GNAO1: variants seen among roughly 807,000 people sequenced by gnomAD.
The protein encoded by GNAO1 is G protein subunit alpha o1, also known as guanine nucleotide-binding protein G(o) subunit alpha.
For synonymous variants in GNAO1, 164 were observed against 180.7 expected, an observed-to-expected ratio of 0.91 and a Z score of 0.74; for missense variants, 166 against 478.7, an observed-to-expected ratio of 0.35 and a Z score of 6.10.
At chr16:56,248,444 T>C (rs2036769757) in intron 2 of GNAO1, among the ~76,000 whole-genome samples, 1 of 152,216 alleles carries the variant, frequency 6.6e-6, no homozygotes. Context: ...TACACAAGTA[T>C]ATACTAAATG....
intron 2 of GNAO1, among the ~76,000 whole-genome samples, chr16:56,249,525 G>A (rs568905380): frequency 5.3e-5 from 8 of 152,268 alleles, no homozygotes; most frequent in African/African-American, 1.9e-4. Context: ...ATCAGGGAAA[G>A]CACCAAGGGG....
intron 2 of GNAO1, chr16:56,192,848 G>C (rs559135661): frequency 1.5e-4 from 81 of 554,306 alleles, no homozygotes; most frequent in African/African-American, 1.4e-3. Context: ...GAAGGGGAGC[G>C]CCTGTAGTTG....
chr16:56,223,121 C>G (rs1174798019), intron 2 of GNAO1, among the ~76,000 whole-genome samples: 4 of 152,234 alleles, frequency 2.6e-5, no homozygotes, highest in African/African-American at 9.7e-5. Context: ...TTCAAGTTCA[C>G]CAGCCTAAAA....
At chr16:56,314,217 A>G (rs1481530687) in intron 3 of GNAO1, among the ~76,000 whole-genome samples, 1 of 152,232 alleles carries the variant, frequency 6.6e-6, no homozygotes, top group Non-Finnish European at 1.5e-5. Context: ...GTCTTCCACA[A>G]TTCTGCATTT....
At chr16:56,282,956 C>T (rs543470079) in intron 3 of GNAO1, among the ~76,000 whole-genome samples, 256 of 152,268 alleles carry the variant, frequency 1.7e-3, no homozygotes, top group Non-Finnish European at 3.1e-3. Flanking sequence ...GAAAGACCGG[C>T]GATCAGTGTT....
chr16:56,206,948 T>G (rs2036336134), intron 2 of GNAO1, among the ~76,000 whole-genome samples: 1 of 152,250 alleles, frequency 6.6e-6, no homozygotes, highest in African/African-American at 2.4e-5. Flanking sequence ...TTACCTAGCT[T>G]TTCCTTCAAA....
At chr16:56,302,453 C>G (rs371158789) in intron 3 of GNAO1, 6 of 152,246 alleles carry the variant, frequency 3.9e-5, no homozygotes, top group African/African-American at 1.4e-4. Flanking sequence ...TCTCCAAACC[C>G]CCATCATCTC....
intron 6 of GNAO1, among the ~76,000 whole-genome samples, chr16:56,349,636 T>C (rs1265823092): frequency 3.3e-5 from 5 of 152,180 alleles, no homozygotes; most frequent in Admixed American, 6.5e-5. Context: ...TGAGATCATA[T>C]GAGTTTACTG....
rs1596884830 is a variant in GNAO1 at position 56,357,033 on chromosome 16, A to G, written c.*959A>G. ...TGCTGCAGACAAAAAGAACAAAAAA[A>G]AATTTTTAAATACCACAAGATGGAA... On this transcript the variant is annotated 3_prime_UTR_variant, in exon 9 of 9. Coordinates refer to ENST00000262493, the MANE Select transcript of GNAO1 (RefSeq NM_020988.3). 6.6e-6 allele frequency: 1 copy of G among 151,440 alleles called. No individual in the cohort carries two copies. Among genetic ancestry groups the G allele is most frequent in the Non-Finnish European group, 1.5e-5 (1 of 67,820 alleles). 9.4% of individuals were successfully genotyped at this position (151,440 alleles called of 1,614,324 possible). A position where few individuals can be genotyped will look rare whatever the true frequency, so the allele number is the denominator to read the frequency against.
intron 5 of GNAO1, among the ~76,000 whole-genome samples, chr16:56,335,169 G>A (rs2037728659): frequency 6.6e-6 from 1 of 152,194 alleles, no homozygotes; most frequent in African/African-American, 2.4e-5. Context: ...CTACCAGGGG[G>A]CCCTTCCAAG....
chr16:56,308,337 G>A (rs909023616), intron 3 of GNAO1: 2 of 152,206 alleles, frequency 1.3e-5, no homozygotes, highest in African/African-American at 4.8e-5. Context: ...GTGGCCTAGG[G>A]TAAGCTGGCT....
At chr16:56,300,192 C>A (rs538498017) in intron 3 of GNAO1, among the ~76,000 whole-genome samples, 1 of 152,192 alleles carries the variant, frequency 6.6e-6, no homozygotes, top group South Asian at 2.1e-4. Flanking sequence ...GTCAAAAGGG[C>A]CACTTGCACT....
At chr16:56,247,499 T>C (rs1010341138) in intron 2 of GNAO1, among the ~76,000 whole-genome samples, 25 of 151,022 alleles carry the variant, frequency 1.7e-4, no homozygotes, top group African/African-American at 6.1e-4. Context: ...TTTTTTTTTT[T>C]TTTTCATTTC....
In GNAO1 at chr16:56,192,567, C is replaced by G. The variant is rs1166262754; in HGVS notation, c.119-7C>G. The G allele has an allele frequency of 6.3e-7, 1 of 1,595,528 alleles. No individual in the cohort carries two copies. The highest frequency in any genetic ancestry group is 8.6e-7 in the Non-Finnish European group (1 of 1,164,226). ...CCAGTTTTTCCCCACTGTCTGTGTC[C>G]CAACAGGGGCTGGAGAATCAGGAAA... is the stretch of plus-strand genomic sequence containing the variant. On this transcript the variant is annotated splice_polypyrimidine_tract_variant and splice_region_variant and intron_variant, in intron 1 of 8. Transcript: ENST00000262493.
intron 3 of GNAO1, among the ~76,000 whole-genome samples, chr16:56,294,352 A>G (rs1406929906): frequency 1.3e-5 from 2 of 151,290 alleles, no homozygotes; most frequent in Non-Finnish European, 2.9e-5. Context: ...AAAAAAAAAA[A>G]AAAAAAAAAG....
Position 56,351,185 on chromosome 16 carries a change from G to A in GNAO1, c.724-199G>A, listed in dbSNP as rs1217147964. ...CAGTCCAGTCTCTGCCTCTGGCCCC[G>A]ACATGACGGGTTCTCCGGAAGCAGG... On this transcript the variant is annotated intron_variant, in intron 6 of 8. Transcript: ENST00000262493. The surrounding 1 kb of genome is among the most constrained non-coding windows in gnomAD (Gnocchi z 6.1). 1.3e-5 allele frequency among the ~76,000 whole-genome samples: 2 copies of A among 152,116 alleles called. No homozygotes were observed. The highest frequency in any genetic ancestry group is 6.5e-5 in the Admixed American group (1 of 15,268).
At chr16:56,284,418 T>C (rs953879861) in intron 3 of GNAO1, among the ~76,000 whole-genome samples, 1 of 152,228 alleles carries the variant, frequency 6.6e-6, no homozygotes, top group African/African-American at 2.4e-5. Context: ...ACCCGGCTAC[T>C]GGTACTTTGG....
At chr16:56,276,375 C>T in intron 3 of GNAO1, 1 of 238,080 alleles carries the variant, frequency 4.2e-6, no homozygotes, top group Non-Finnish European at 8.1e-6. Context: ...AGTACCTGTC[C>T]TTGGGCAATT....
chr16:56,330,669 A>ACCTT, intron 4 of GNAO1, among the ~76,000 whole-genome samples: 1 of 152,274 alleles, frequency 6.6e-6, no homozygotes, highest in East Asian at 1.9e-4. Context: ...AGCTCAGCTC[A>ACCTT]CCTTCCTTCC....
Sources: gnomAD v4.1 joint callset for allele counts (sites outside exome capture counted in the v4.1 genomes callset) on GRCh38, gnomAD v4.1.1 for gene constraint, Gnocchi (gnomAD v3.1) non-coding constraint, MANE v1.5 for transcripts, NCBI Gene and HGNC (gene_info 2026-07-23, HGNC 2026-07-21) for gene names.